ENTPD1: variants seen among roughly 807,000 people sequenced by gnomAD.
ENTPD1 encodes the protein ectonucleoside triphosphate diphosphohydrolase 1, also known as ATP diphosphohydrolase.
ENTPD1 carries 33 observed loss-of-function variants against 57.0 expected under a neutral mutation model. The observed-to-expected ratio is 0.58, with a 90% CI of 0.44 to 0.77. The LOEUF is 0.77. Among genes scored for constraint, ENTPD1 ranks in the 30% least tolerant of loss-of-function variants. The pLI is 0.00. For synonymous variants in ENTPD1, 202 were observed against 218.8 expected, an observed-to-expected ratio of 0.92 and a Z score of 0.68; for missense variants, 501 against 603.4, an observed-to-expected ratio of 0.83 and a Z score of 1.78.
At chr10:95,860,447 A>G (rs200624335) in intron 7 of ENTPD1, 22 bp from the exon 8 acceptor site, 2 of 1,602,176 alleles carry the variant, frequency 1.2e-6, no homozygotes, top group African/African-American at 1.3e-5. Flanking sequence ...ACACAGCCTA[A>G]AACTGCGATT....
Position 95,864,732 on chromosome 10 carries a change from A to G in ENTPD1, c.1197A>G (p.Thr399=), listed in dbSNP as rs1438394752. 5 of 1,614,154 alleles carry G rather than the reference A, an allele frequency of 3.1e-6. No homozygotes were observed. The highest frequency in any genetic ancestry group is 3.3e-5 in the Admixed American group (2 of 60,018). ...CCTCACTTCACTTCTAGATAAAAAC[A>G]TCTTACGCTGGAGTAAAGGAGAAGT... ...FCAQPWEEIK[T]SYAGVKEKYL... The change falls in exon 9 of 10, where the codon ACA becomes ACG. Residue 399 remains threonine (T), a synonymous_variant. Transcript: ENST00000371205.
intron 1 of ENTPD1, among the ~76,000 whole-genome samples, chr10:95,737,232 G>A (rs4501930): frequency 0.23 from 35,403 of 151,976 alleles, 4,894 homozygotes; most frequent in African/African-American, 0.38. Flanking sequence ...TAGTGGGGGA[G>A]TAAGATATTA....
intron 3 of ENTPD1, among the ~76,000 whole-genome samples, chr10:95,841,799 G>A (rs1449763905): frequency 1.3e-5 from 2 of 152,194 alleles, no homozygotes; most frequent in Non-Finnish European, 2.9e-5. Context: ...GGATATCGGA[G>A]TGGAAAAGTC....
At chr10:95,721,913 C>G (rs1386506197) in intron 1 of ENTPD1, among the ~76,000 whole-genome samples, 5 of 152,166 alleles carry the variant, frequency 3.3e-5, no homozygotes, top group Non-Finnish European at 7.4e-5. Flanking sequence ...TCTAGTGGTC[C>G]TTTACCAGCA....
upstream of ENTPD1, among the ~76,000 whole-genome samples, chr10:95,707,976 T>C (rs2097963181): frequency 6.6e-6 from 1 of 152,116 alleles, no homozygotes; most frequent in South Asian, 2.1e-4. Context: ...ATGTTTATAC[T>C]TCAACAAAAA....
Position 95,866,410 on chromosome 10 carries a change from G to C in ENTPD1, c.*27G>C, listed in dbSNP as rs534560910. The C allele has an allele frequency of 3.7e-6, 6 of 1,613,642 alleles. No individual in the cohort carries two copies. The East Asian group carries it at 6.7e-5, about 18-fold the overall frequency. The stretch of plus-strand genomic sequence containing the variant: ...AAAAGCAGCTGAAATATGCTGGCTG[G>C]AGTGAGGAAAAAAATCGTCCAGGGA... On this transcript the variant is annotated 3_prime_UTR_variant, in exon 10 of 10. Transcript: ENST00000371205.
At chr10:95,857,483 A>T (rs930713049) in intron 7 of ENTPD1, among the ~76,000 whole-genome samples, 1 of 151,624 alleles carries the variant, frequency 6.6e-6, no homozygotes, top group East Asian at 1.9e-4. Flanking sequence ...TGCTCATTAT[A>T]AAAAAACTGT....
chr10:95,866,191 C>T lies in ENTPD1; in HGVS notation c.1341C>T (p.Asp447=), dbSNP rs746888284. 40 of 1,613,768 alleles carry T rather than the reference C, an allele frequency of 2.5e-5. No individual in the cohort carries two copies. Among genetic ancestry groups the T allele is most frequent in the African/African-American group, 1.2e-4 (9 of 74,932 alleles). Residue 447 remains aspartate, a synonymous_variant, in exon 10 of 10, where the codon GAC becomes GAT. Coordinates refer to ENST00000371205, the MANE Select transcript of ENTPD1 (RefSeq NM_001776.6). ...ACTGTTTGCAGATCCAGGGCAGCGA[C>T]GCCGGCTGGACTTTGGGCTACATGC... The part of the protein sequence containing the change: ...IHFIGKIQGS[D]AGWTLGYMLN...
intron 1 of ENTPD1, among the ~76,000 whole-genome samples, chr10:95,770,252 AGTGAGTGTGTGTGT>A (rs1447613334): frequency 1.7e-5 from 2 of 115,344 alleles, no homozygotes; most frequent in Non-Finnish European, 3.4e-5. Context: ...AGAGTGAGTG[AGTGAGTGTGTGTGT>A]GTGTGTGTGT....
At chr10:95,803,545 T>C (rs934764460) in intron 1 of ENTPD1, among the ~76,000 whole-genome samples, 4 of 152,220 alleles carry the variant, frequency 2.6e-5, no homozygotes, top group African/African-American at 7.2e-5. Flanking sequence ...GCCCACTTTT[T>C]GATGGGGTTG....
At chr10:95,726,964 T>C (rs1305930436) in intron 1 of ENTPD1, among the ~76,000 whole-genome samples, 1 of 152,172 alleles carries the variant, frequency 6.6e-6, no homozygotes, top group Non-Finnish European at 1.5e-5. Context: ...CTCACTGCCA[T>C]CTTCAGTTTA....
the ENTPD1 span, among the ~76,000 whole-genome samples, chr10:95,696,273 TTTAA>T: frequency 2.0e-5 from 3 of 152,222 alleles, no homozygotes; most frequent in Admixed American, 6.5e-5. Context: ...TATTTATTGA[TTTAA>T]TTAATTAATT....
chr10:95,695,061 C>A, the ENTPD1 span, among the ~76,000 whole-genome samples: 1 of 151,810 alleles, frequency 6.6e-6, no homozygotes, highest in African/African-American at 2.4e-5. Context: ...CCACCACGCC[C>A]GGCTAATTTT....
Position 95,868,989 on chromosome 10 carries a change from C to A in ENTPD1, c.*2606C>A, listed in dbSNP as rs1408824043. 4.1e-6 allele frequency: 4 copies of A among 985,290 alleles called. No individual in the cohort carries two copies. Among genetic ancestry groups the A allele is most frequent in the South Asian group, 9.4e-5 (2 of 21,280 alleles). 61.0% of individuals were successfully genotyped at this position (985,290 alleles called of 1,614,324 possible). ...CAGGAAGGTTGGTTTAGAGGCAGAT[C>A]CAGCAATCTGCTTTGGGCCACTCTG... is the stretch of plus-strand genomic sequence containing the variant. On this transcript the variant is annotated 3_prime_UTR_variant, in exon 10 of 10. Transcript: ENST00000371205.
In ENTPD1 at chr10:95,867,548, A is replaced by G. The variant is rs990952814; in HGVS notation, c.*1165A>G. On this transcript the variant is annotated 3_prime_UTR_variant, in exon 10 of 10. Coordinates refer to ENST00000371205, the MANE Select transcript of ENTPD1 (RefSeq NM_001776.6). ...GCTTTTGCCCTATCGTGGAATTTAC[A>G]CATCAGAATGTGCAGGATCCAAGTC... 36 of 985,354 alleles carry G rather than the reference A, an allele frequency of 3.7e-5. No individual in the cohort carries two copies. The highest frequency in any genetic ancestry group is 6.1e-5 in the Admixed American group (1 of 16,270). The allele number at this position is 985,354 out of a possible 1,614,324, so 61.0% of individuals were successfully genotyped here. A position where few individuals can be genotyped will look rare whatever the true frequency, so the allele number is the denominator to read the frequency against.
chr10:95,732,392 A>G (rs1170890892), intron 1 of ENTPD1, among the ~76,000 whole-genome samples: 1 of 152,114 alleles, frequency 6.6e-6, no homozygotes, highest in African/African-American at 2.4e-5. Flanking sequence ...GCTATTCCAC[A>G]CCCAGCCATC....
chr10:95,845,473 C>T lies in ENTPD1; in HGVS notation c.690C>T (p.Ile230=), dbSNP rs1184807168. The T allele has an allele frequency of 3.1e-6, 5 of 1,614,086 alleles. No homozygotes were observed. The highest frequency in any genetic ancestry group is 1.1e-5 in the South Asian group (1 of 91,086). Residue 230 remains isoleucine (I), a synonymous_variant, in exon 6 of 10, where the codon ATC becomes ATT. Transcript: ENST00000371205. ...CTTTTGTACCCCAAAACCAGACTAT[C>T]GAGTCCCCAGATAATGCTCTGCAAT... ...QVTFVPQNQT[I]ESPDNALQFR...
chr10:95,752,199 G>A (rs977007387), upstream of ENTPD1, among the ~76,000 whole-genome samples: 10 of 152,150 alleles, frequency 6.6e-5, no homozygotes, highest in East Asian at 3.8e-4. Context: ...GGCATGGTGC[G>A]GTGAGAAACG....
Position 95,838,087 on chromosome 10 carries a change from G to A in ENTPD1, c.145-1604G>A, listed in dbSNP as rs76631854. Among the ~76,000 whole-genome samples the A allele has an allele frequency of 1.3e-3, 200 of 152,186 alleles. 3 individuals carry two copies. The East Asian group carries it at 0.034, about 26-fold the overall frequency. ...TTAAATAAGCAGCCACGTGACAAGC[G>A]TCTCCTTCTTCTCTTCCTTTCGCTT... On this transcript the variant is annotated intron_variant, in intron 2 of 9. Coordinates refer to ENST00000371205, the MANE Select transcript of ENTPD1 (RefSeq NM_001776.6).
Sources: allele counts gnomAD v4.1 joint callset (sites outside exome capture counted in the v4.1 genomes callset), GRCh38; gene constraint gnomAD v4.1.1; transcripts MANE v1.5; gene names NCBI Gene and HGNC (gene_info 2026-07-23, HGNC 2026-07-21).